The following GLIS3 variants were observed in gnomAD, a reference collection of about 807,000 sequenced individuals.
GLIS3 encodes zinc finger protein GLIS3.
GLIS3 carries 53 observed loss-of-function variants against 78.6 expected under a neutral mutation model. The observed-to-expected ratio is 0.67, with a 90% CI of 0.54 to 0.85. The LOEUF is 0.85. GLIS3 is among the 40% of genes least tolerant of loss of function. The pLI is 0.00. For missense variants in GLIS3, 1,703 were observed against 1,231.1 expected (o/e 1.38, Z -5.74); for synonymous variants, 684 against 509.9 (o/e 1.34, Z -4.60).
intron 2 of GLIS3, among the ~76,000 whole-genome samples, chr9:4,213,300 G>C (rs1489725188): frequency 6.6e-6 from 1 of 152,134 alleles, no homozygotes; most frequent in Admixed American, 6.5e-5. Context: ...TGACAACCCA[G>C]CCACACCCTA....
At chr9:3,895,903 T>A (rs1450989594) in intron 7 of GLIS3, among the ~76,000 whole-genome samples, 1 of 152,328 alleles carries the variant, frequency 6.6e-6, no homozygotes, top group East Asian at 1.9e-4. Context: ...CGGGTTTCCA[T>A]CAAAATATTT....
At chr9:4,312,547 A>T (rs1288427500) in intron 2 of GLIS3, among the ~76,000 whole-genome samples, 1 of 152,256 alleles carries the variant, frequency 6.6e-6, no homozygotes, top group Non-Finnish European at 1.5e-5. Flanking sequence ...CAATTTTGCC[A>T]ATAAATTATG....
intron 4 of GLIS3, among the ~76,000 whole-genome samples, chr9:3,987,773 A>C (rs1418412867): frequency 1.4e-5 from 2 of 142,870 alleles, no homozygotes; most frequent in Admixed American, 7.2e-5. Context: ...AAAAAAAAAA[A>C]AAAAAAAAAA....
chr9:4,330,118 T>C (rs1043751208), intron 2 of GLIS3, among the ~76,000 whole-genome samples: 1 of 152,152 alleles, frequency 6.6e-6, no homozygotes, highest in African/African-American at 2.4e-5. Context: ...GGAAATTCAG[T>C]GTAGACTCCC....
At chr9:4,014,814 T>G (rs534084325) in intron 4 of GLIS3, among the ~76,000 whole-genome samples, 25 of 152,322 alleles carry the variant, frequency 1.6e-4, no homozygotes, top group African/African-American at 6.0e-4. Context: ...CTGGAGAGAC[T>G]TGAATGGCTT....
At chr9:4,269,945 T>A (rs546397715) in intron 2 of GLIS3, among the ~76,000 whole-genome samples, 3 of 152,344 alleles carry the variant, frequency 2.0e-5, no homozygotes, top group Admixed American at 6.5e-5. Context: ...TGTCTTTGTT[T>A]AGTCCTTTTC....
At chr9:4,328,592 T>C (rs1817637072) in intron 2 of GLIS3, among the ~76,000 whole-genome samples, 1 of 152,200 alleles carries the variant, frequency 6.6e-6, no homozygotes, top group Non-Finnish European at 1.5e-5. Flanking sequence ...AGCTCCTGAC[T>C]TCTGAACCAA....
intron 2 of GLIS3, among the ~76,000 whole-genome samples, chr9:4,232,274 G>T (rs1822321971): frequency 6.6e-6 from 1 of 150,918 alleles, no homozygotes; most frequent in African/African-American, 2.4e-5. Context: ...CCAGCTATTT[G>T]AGATGCCAAG....
the GLIS3 span, among the ~76,000 whole-genome samples, chr9:4,445,280 T>C: frequency 6.6e-6 from 1 of 152,198 alleles, no homozygotes; most frequent in African/African-American, 2.4e-5. Context: ...TTTTCATCAC[T>C]GTTTTTATTA....
rs1818882994 is a variant in GLIS3, at chr9:3,977,311, G to C, written c.1711-40122C>G. Among the ~76,000 whole-genome samples the C allele has an allele frequency of 6.6e-6, 1 of 152,120 alleles. No homozygotes were observed. Among genetic ancestry groups the C allele is most frequent in the Non-Finnish European group, 1.5e-5 (1 of 68,026 alleles). On this transcript the variant is annotated intron_variant, in intron 4 of 10. Transcript: ENST00000381971. The surrounding 1 kb of genome is among the most constrained non-coding windows in gnomAD (Gnocchi z 4.1). The stretch of plus-strand genomic sequence containing the variant: ...TGTAAGGACCGAGAGGAAAGCTCTT[G>C]GCTCTATCAGCCTTGCCATCTCTTT...
chr9:4,200,665 A>C (rs1019115873), intron 2 of GLIS3, among the ~76,000 whole-genome samples: 12 of 152,198 alleles, frequency 7.9e-5, no homozygotes, highest in Non-Finnish European at 1.8e-4. Flanking sequence ...TCAGAAAAAA[A>C]CAAACAAAAA....
intron 2 of GLIS3, among the ~76,000 whole-genome samples, chr9:4,257,119 C>A (rs1337676412): frequency 1.3e-5 from 2 of 152,022 alleles, no homozygotes; most frequent in African/African-American, 4.8e-5. Flanking sequence ...ACTTCTTTAT[C>A]CATTTGTCTG....
chr9:3,928,897 G>C (rs1035151075), intron 6 of GLIS3, among the ~76,000 whole-genome samples: 1 of 152,150 alleles, frequency 6.6e-6, no homozygotes, highest in Non-Finnish European at 1.5e-5. Context: ...GGCATCCTTT[G>C]TATGCACTTT....
At chr9:4,417,056 C>A in the GLIS3 span, among the ~76,000 whole-genome samples, 3 of 152,038 alleles carry the variant, frequency 2.0e-5, no homozygotes, top group African/African-American at 7.2e-5. Flanking sequence ...TTTTGTAAAA[C>A]GTCACATGAG....
chr9:4,270,069 G>A (rs148641499), intron 2 of GLIS3, among the ~76,000 whole-genome samples: 1 of 152,190 alleles, frequency 6.6e-6, no homozygotes, highest in East Asian at 1.9e-4. Flanking sequence ...CCTGGCTCTA[G>A]ACACCTCTTA....
intron 2 of GLIS3, among the ~76,000 whole-genome samples, chr9:4,325,189 T>C (rs2130554309): frequency 6.6e-6 from 1 of 152,218 alleles, no homozygotes; most frequent in East Asian, 1.9e-4. Flanking sequence ...AAATGTGAGT[T>C]TTCCAAGCTG....
chr9:3,847,582 GC>G lies in GLIS3; in HGVS notation c.2473+8426del, dbSNP rs376138430. ...TGCACATGCACTCATGCTTGTGTGTGCAGATGCTTAGTTATATATGTAGATT... is the reference window on the plus strand; with the variant it reads ...TGCACATGCACTCATGCTTGTGTGTGAGATGCTTAGTTATATATGTAGATT... On this transcript the variant is annotated intron_variant, in intron 9 of 10. Coordinates refer to ENST00000381971, the MANE Select transcript of GLIS3 (RefSeq NM_001042413.2). Among the ~76,000 whole-genome samples, 97 of 152,296 alleles carry G rather than the reference GC, an allele frequency of 6.4e-4. 1 individual carries two copies. Among genetic ancestry groups the G allele is most frequent in the African/African-American group, 2.3e-3 (95 of 41,532 alleles).
chr9:4,191,892 A>T (rs917322392), intron 2 of GLIS3, among the ~76,000 whole-genome samples: 1 of 152,108 alleles, frequency 6.6e-6, no homozygotes, highest in African/African-American at 2.4e-5. Context: ...AATATTAATT[A>T]ATATTTCTAA....
At chr9:4,396,172 G>A in the GLIS3 span, among the ~76,000 whole-genome samples, 1 of 151,608 alleles carries the variant, frequency 6.6e-6, no homozygotes, top group Non-Finnish European at 1.5e-5. Flanking sequence ...TGGTACATTG[G>A]CATGATCTCA....
Sources: gnomAD v4.1 joint callset for allele counts (sites outside exome capture counted in the v4.1 genomes callset) on GRCh38, gnomAD v4.1.1 for gene constraint, Gnocchi (gnomAD v3.1) non-coding constraint, MANE v1.5 for transcripts, NCBI Gene and HGNC (gene_info 2026-07-23, HGNC 2026-07-21) for gene names.